The following FRMD4B variants were observed in gnomAD, a reference collection of about 807,000 sequenced individuals.
FRMD4B encodes the protein FERM domain-containing protein 4B.
FRMD4B carries 74 observed loss-of-function variants against 141.5 expected under a neutral mutation model. The observed-to-expected ratio is 0.52, with a 90% confidence interval of 0.43 to 0.63. FRMD4B has a LOEUF of 0.63. FRMD4B is among the 30% of genes least tolerant of loss of function. FRMD4B has a pLI of 0.00. For synonymous variants in FRMD4B, 506 were observed against 467.9 expected (o/e 1.08, Z -1.05); for missense variants, 1,366 against 1,253.4 (o/e 1.09, Z -1.36).
At chr3:69,410,131 G>A (rs1704728679) in intron 2 of FRMD4B, among the ~76,000 whole-genome samples, 1 of 152,164 alleles carries the variant, frequency 6.6e-6, no homozygotes, top group Non-Finnish European at 1.5e-5. Flanking sequence ...CCCTCAGACT[G>A]TGAAGCAAAA....
chr3:69,188,775 A>AAAAAAAAAAAAAAAAAAAAAAAAC (rs1553696831), intron 18 of FRMD4B, among the ~76,000 whole-genome samples: 2 of 148,190 alleles, frequency 1.3e-5, no homozygotes, highest in African/African-American at 5.1e-5. Context: ...AAAAAAAAAA[A>AAAAAAAAAAAAAAAAAAAAAAAAC]AAAAAAAAAC....
At chr3:69,317,360 G>T (rs984015555) in intron 1 of FRMD4B, among the ~76,000 whole-genome samples, 4 of 152,126 alleles carry the variant, frequency 2.6e-5, no homozygotes, top group African/African-American at 9.7e-5. Context: ...GGTCTGAGAG[G>T]ATAAAAACTT....
In FRMD4B at chr3:69,181,383, C is replaced by A. The variant is rs754579833; in HGVS notation, c.2367G>T (p.Arg789Ser). The change falls in exon 21 of 23, where the codon AGG (arginine) becomes AGT (serine). Residue 789 changes from arginine (R) to serine (S), a missense_variant. Transcript: ENST00000398540. ...MPNLAQKDSL[R>S]NGVYSKSQEP... ...CCTGACTCTTTGAGTAAACACCATT[C>A]CTCAAACTATCCTTTTGTGCTAGGT... 1.9e-6 allele frequency: 3 copies of A among 1,613,612 alleles called. No individual in the cohort carries two copies. In the East Asian group the frequency reaches 6.7e-5, roughly 36 times the overall value.
At chr3:69,491,092 T>C (rs915099060) in intron 1 of FRMD4B, among the ~76,000 whole-genome samples, 7 of 152,132 alleles carry the variant, frequency 4.6e-5, no homozygotes, top group South Asian at 2.1e-4. Flanking sequence ...GAAAGATCAA[T>C]AGGAGGAAAG....
intron 5 of FRMD4B, among the ~76,000 whole-genome samples, chr3:69,271,537 T>C (rs1422663973): frequency 6.6e-6 from 1 of 152,118 alleles, no homozygotes; most frequent in Non-Finnish European, 1.5e-5. Flanking sequence ...AAAACTTTGA[T>C]TTTCACAAAT....
At chr3:69,363,248 G>GTTTTTTTTTT (rs56074743) in intron 1 of FRMD4B, among the ~76,000 whole-genome samples, 8 of 132,750 alleles carry the variant, frequency 6.0e-5, no homozygotes, top group East Asian at 2.1e-4. Context: ...TTTTTACCAT[G>GTTTTTTTTTT]TTTTTTTTTT....
chr3:69,362,703 C>A (rs1703504620), intron 1 of FRMD4B, among the ~76,000 whole-genome samples: 2 of 63,204 alleles, frequency 3.2e-5, no homozygotes, highest in Admixed American at 2.9e-4. Context: ...AAAGCCAACC[C>A]CCCCCCCAAA....
intron 4 of FRMD4B, among the ~76,000 whole-genome samples, chr3:69,292,354 A>G (rs2107105214): frequency 6.6e-6 from 1 of 152,320 alleles, no homozygotes; most frequent in South Asian, 2.1e-4. Context: ...ATATTAGCCA[A>G]ACTAATCCTC....
chr3:69,364,431 A>G (rs536606277), intron 1 of FRMD4B, among the ~76,000 whole-genome samples: 1 of 152,338 alleles, frequency 6.6e-6, no homozygotes, highest in African/African-American at 2.4e-5. Context: ...TGCTAATGGT[A>G]TGCCAGTGGT....
At chr3:69,408,537 G>A (rs1704693995) in intron 2 of FRMD4B, among the ~76,000 whole-genome samples, 1 of 152,186 alleles carries the variant, frequency 6.6e-6, no homozygotes, top group Admixed American at 6.5e-5. Flanking sequence ...GAGAGAGCAG[G>A]ACTGTGATGG....
In FRMD4B at chr3:69,169,021, A is replaced by T. The variant is rs2092562142; in HGVS notation, c.*2840T>A. Reference sequence around the variant, plus strand: ...AACAAACAAAAAAAAATGTTGTAAAACTGTACTTGTAATATGCTGGACTTT... The same window carrying T: ...AACAAACAAAAAAAAATGTTGTAAATCTGTACTTGTAATATGCTGGACTTT... On this transcript the variant is annotated 3_prime_UTR_variant, in exon 23 of 23. Coordinates refer to ENST00000398540, the MANE Select transcript of FRMD4B (RefSeq NM_015123.3). Among the ~76,000 whole-genome samples the T allele has an allele frequency of 6.6e-6, 1 of 152,112 alleles. No homozygotes were observed. The highest frequency in any genetic ancestry group is 1.5e-5 in the Non-Finnish European group (1 of 68,008).
At position 69,533,919 on chromosome 3, in the gene FRMD4B, C is replaced by T. The variant is rs530311627; in HGVS notation, c.-129+8287G>A. ...CTAACATGATTACGCATCTGGGAGA[C>T]CGGGATTTGCCTTACATATCCTCCA... On this transcript the variant is annotated intron_variant, in intron 1 of 5. Transcript: ENST00000459638. Among the ~76,000 whole-genome samples, 23 of 152,302 alleles carry T rather than the reference C, an allele frequency of 1.5e-4. No homozygotes were observed. The South Asian group carries it at 4.4e-3, about 29-fold the overall frequency.
intron 5 of FRMD4B, among the ~76,000 whole-genome samples, chr3:69,280,513 T>A (rs983244090): frequency 6.6e-6 from 1 of 152,170 alleles, no homozygotes; most frequent in Non-Finnish European, 1.5e-5. Context: ...AAGCACCTTA[T>A]TAACTACCAT....
At chr3:69,457,290 G>T (rs1705635612) in intron 1 of FRMD4B, among the ~76,000 whole-genome samples, 1 of 152,178 alleles carries the variant, frequency 6.6e-6, no homozygotes. Flanking sequence ...GGAAAAAAAG[G>T]TTAGCATGGC....
intron 1 of FRMD4B, among the ~76,000 whole-genome samples, chr3:69,331,054 A>G (rs2107330468): frequency 6.6e-6 from 1 of 152,282 alleles, no homozygotes; most frequent in Middle Eastern, 3.4e-3. Flanking sequence ...GTGAGAGGAA[A>G]TCTCAACCAA....
At chr3:69,304,155 A>G (rs990901164) in intron 3 of FRMD4B, among the ~76,000 whole-genome samples, 5 of 145,376 alleles carry the variant, frequency 3.4e-5, no homozygotes, top group Non-Finnish European at 7.5e-5. Flanking sequence ...TAGTCTGGAC[A>G]ACAGAGGGAT....
At chr3:69,369,832 T>C (rs1306655459) in intron 1 of FRMD4B, among the ~76,000 whole-genome samples, 4 of 152,040 alleles carry the variant, frequency 2.6e-5, no homozygotes, top group Admixed American at 6.6e-5. Flanking sequence ...TAGTAGCCTA[T>C]TTATTAAAAG....
rs1430143135 is a variant in FRMD4B, at chr3:69,490,993, G to A, written c.-129+51213C>T. On this transcript the variant is annotated intron_variant, in intron 1 of 5. Coordinates refer to the FRMD4B transcript ENST00000459638. ...TTTTTGATGCTAAAAACCTCTCCCCGAGAGACTGATTCCAGAAAAATAAAT... is the reference window on the plus strand; with the variant it reads ...TTTTTGATGCTAAAAACCTCTCCCCAAGAGACTGATTCCAGAAAAATAAAT... Among the ~76,000 whole-genome samples the A allele has an allele frequency of 3.9e-5, 6 of 151,984 alleles. No homozygotes were observed. In the East Asian group the frequency reaches 5.8e-4, roughly 15 times the overall value.
intron 5 of FRMD4B, 126 bp from the exon 6 acceptor site, chr3:69,250,225 A>G: frequency 1.3e-6 from 1 of 749,642 alleles, no homozygotes; most frequent in Non-Finnish European, 2.4e-6. Flanking sequence ...AGATCATACC[A>G]TTGCAGGGGA....
Sources: allele counts gnomAD v4.1 joint callset (sites outside exome capture counted in the v4.1 genomes callset), GRCh38; gene constraint gnomAD v4.1.1; transcripts MANE v1.5; gene names NCBI Gene and HGNC (gene_info 2026-07-23, HGNC 2026-07-21).